VRTN: variants seen among roughly 807,000 people sequenced by gnomAD.
VRTN encodes the protein vertnin.
Under a neutral mutation model 18.2 loss-of-function variants are expected in VRTN, and 5 were observed. That is an observed-to-expected ratio of 0.27 (90% CI 0.14 to 0.58). The LOEUF is 0.58. Ranked by LOEUF, VRTN falls within the 20% of genes least tolerant of loss-of-function variation. The probability of loss-of-function intolerance (pLI) is 0.91; values close to 1 mark genes in which losing one functional copy is unlikely to be tolerated. For missense variants in VRTN, 741 were observed against 939.4 expected (o/e 0.79, Z 2.76); for synonymous variants, 381 against 393.7 (o/e 0.97, Z 0.38).
intron 2 of VRTN, among the ~76,000 whole-genome samples, chr14:74,338,475 G>A (rs2085579725): frequency 6.6e-6 from 1 of 152,198 alleles, no homozygotes. Context: ...TGTCCTGACT[G>A]GAAGACTGCG....
intron 1 of VRTN, among the ~76,000 whole-genome samples, chr14:74,328,938 C>T (rs11851795): frequency 0.016 from 2,407 of 151,584 alleles, 62 homozygotes; most frequent in African/African-American, 0.055. Flanking sequence ...GGTTTGAGAC[C>T]AGACTGGCTA....
chr14:74,349,204 G>T (rs951264948), intron 1 of VRTN, among the ~76,000 whole-genome samples: 1 of 152,210 alleles, frequency 6.6e-6, no homozygotes, highest in South Asian at 2.1e-4. Flanking sequence ...CTTGGTGGTG[G>T]GAATTTCCTT....
At chr14:74,318,008 A>G (rs1353839156) in intron 1 of VRTN, among the ~76,000 whole-genome samples, 2 of 152,110 alleles carry the variant, frequency 1.3e-5, no homozygotes, top group East Asian at 1.9e-4. Context: ...AGTCCAGGCT[A>G]TTACGGAGGC....
At chr14:74,320,504 C>T (rs1227659988) in intron 1 of VRTN, among the ~76,000 whole-genome samples, 20 of 147,298 alleles carry the variant, frequency 1.4e-4, no homozygotes, top group Non-Finnish European at 2.5e-4. Flanking sequence ...CCTTGTGATC[C>T]GCCCGCCTTG....
chr14:74,309,676 A>G (rs924757869), intron 1 of VRTN, among the ~76,000 whole-genome samples: 1 of 152,168 alleles, frequency 6.6e-6, no homozygotes, highest in African/African-American at 2.4e-5. Context: ...CAGCCTGGGC[A>G]ACACAGCGAG....
At chr14:74,329,353 A>T (rs1036571965) in intron 1 of VRTN, among the ~76,000 whole-genome samples, 1 of 151,780 alleles carries the variant, frequency 6.6e-6, no homozygotes, top group African/African-American at 2.4e-5. Flanking sequence ...GGCTCCAGTG[A>T]TCCTCCCATC....
At chr14:74,318,710 C>CATTT (rs2085433959) in intron 1 of VRTN, among the ~76,000 whole-genome samples, 1 of 123,578 alleles carries the variant, frequency 8.1e-6, no homozygotes, top group Non-Finnish European at 1.6e-5. Context: ...CCGTGTCCGG[C>CATTT]CTTTTTTTTT....
intron 1 of VRTN, among the ~76,000 whole-genome samples, chr14:74,322,031 A>G (rs1290721565): frequency 6.6e-6 from 1 of 151,410 alleles, no homozygotes; most frequent in African/African-American, 2.4e-5. Context: ...GTTTTTTAGT[A>G]GAGACGGGGT....
chr14:74,355,224 G>A (rs954878171), intron 1 of VRTN, among the ~76,000 whole-genome samples: 2 of 151,728 alleles, frequency 1.3e-5, no homozygotes, highest in Non-Finnish European at 2.9e-5. Flanking sequence ...AAGTTTTTAT[G>A]GGCAGCAAAT....
chr14:74,344,825 A>C (rs1457375817), upstream of VRTN, among the ~76,000 whole-genome samples: 1 of 151,824 alleles, frequency 6.6e-6, no homozygotes, highest in Non-Finnish European at 1.5e-5. Context: ...TGGATAAAAA[A>C]ATGAAGTGAA....
chr14:74,308,533 A>G (rs562280632), intron 1 of VRTN, among the ~76,000 whole-genome samples: 28 of 151,050 alleles, frequency 1.9e-4, no homozygotes, highest in Middle Eastern at 3.4e-3. Flanking sequence ...TTTTTTTTTG[A>G]GATGGAGTTT....
chr14:74,315,617 T>C (rs1413952932), intron 1 of VRTN, among the ~76,000 whole-genome samples: 1 of 152,162 alleles, frequency 6.6e-6, no homozygotes, highest in African/African-American at 2.4e-5. Flanking sequence ...GCTGGAGATA[T>C]AGCAGTTTCA....
At chr14:74,309,692 G>A (rs78195354) in intron 1 of VRTN, among the ~76,000 whole-genome samples, 2,666 of 151,940 alleles carry the variant, frequency 0.018, 80 homozygotes, top group Admixed American at 0.088. Context: ...GCGAGACCTC[G>A]TTTCTAAAAG....
Position 74,303,843 on chromosome 14 carries a change from ATT to A in VRTN, c.-164+691_-164+692del, listed in dbSNP as rs67822776. Among the ~76,000 whole-genome samples the A allele has an allele frequency of 9.0e-3, 798 of 88,492 alleles. 6 individuals are homozygous for A. Among genetic ancestry groups the A allele is most frequent in the East Asian group, 0.068 (183 of 2,698 alleles). 58.1% of individuals were successfully genotyped at this position (88,492 alleles called of 152,430 possible). On this transcript the variant is annotated intron_variant, in intron 1 of 2. Transcript: ENST00000557177. ...TAGGTCAATCAGTTGACAATTACAG[ATT>A]TTTTTTTTTTTTTTTTTTTTTTTGA...
chr14:74,357,612 G>C lies in VRTN; in HGVS notation c.829G>C (p.Glu277Gln). 1 of 1,614,038 alleles carries C rather than the reference G, an allele frequency of 6.2e-7. No individual in the cohort carries two copies. Among genetic ancestry groups the C allele is most frequent in the East Asian group, 2.2e-5 (1 of 44,880 alleles). Residue 277 changes from glutamate to glutamine, a missense_variant, in exon 2 of 2, where the codon GAA becomes CAA. Physicochemically the swap from Glu to Gln is conservative, Grantham distance 29. This residue lies in a region of VRTN where 494 missense variants were observed against 546.5 expected (regional missense o/e 0.90). Coordinates refer to ENST00000256362, the MANE Select transcript of VRTN (RefSeq NM_018228.3). The surrounding 1 kb of genome is among the most constrained non-coding windows in gnomAD (Gnocchi z 7.8). ...PAKTLELLNR[E>Q]PGLSYSHLCE... ...CAAGACCCTGGAGCTGCTCAACCGT[G>C]AACCTGGCCTCAGCTACTCTCACCT... is the stretch of plus-strand genomic sequence containing the variant.
At chr14:74,323,709 A>G (rs1246165570) in intron 1 of VRTN, among the ~76,000 whole-genome samples, 1 of 152,150 alleles carries the variant, frequency 6.6e-6, no homozygotes, top group African/African-American at 2.4e-5. Context: ...GTTTCTTTCC[A>G]AAGAATTCCA....
Position 74,311,208 on chromosome 14 carries a change from TA to T in VRTN, c.-164+8040del, listed in dbSNP as rs140329712. Among the ~76,000 whole-genome samples the T allele has an allele frequency of 8.9e-3, 1,348 of 152,146 alleles. 21 individuals carry two copies. Among genetic ancestry groups the T allele is most frequent in the African/African-American group, 0.03 (1,264 of 41,510 alleles). On this transcript the variant is annotated intron_variant, in intron 1 of 2. Coordinates refer to the VRTN transcript ENST00000557177. ...ATTGAAAAATTGAAAAGCATGTGGTTAAAAAAAATTTTGCAAAAGATGATAG... is the reference window on the plus strand; with the variant it reads ...ATTGAAAAATTGAAAAGCATGTGGTTAAAAAAATTTTGCAAAAGATGATAG...
upstream of VRTN, among the ~76,000 whole-genome samples, chr14:74,348,262 T>C (rs1464855962): frequency 6.6e-6 from 1 of 152,180 alleles, no homozygotes; most frequent in African/African-American, 2.4e-5. Context: ...CAACTTTCTT[T>C]CAACTTTTCT....
At chr14:74,309,112 C>A (rs997421524) in intron 1 of VRTN, among the ~76,000 whole-genome samples, 1 of 152,164 alleles carries the variant, frequency 6.6e-6, no homozygotes, top group African/African-American at 2.4e-5. Context: ...TTCCTTCCAT[C>A]CCCGCTGTGA....
Sources: gnomAD v4.1 joint callset for allele counts (sites outside exome capture counted in the v4.1 genomes callset) on GRCh38, gnomAD v4.1.1 for gene constraint, gnomAD v4.1.1 regional missense constraint, Gnocchi (gnomAD v3.1) non-coding constraint, MANE v1.5 for transcripts, NCBI Gene and HGNC (gene_info 2026-07-23, HGNC 2026-07-21) for gene names.